Variants in GSE1 observed in about 807,000 individuals in gnomAD.
GSE1 encodes the protein Gse1 coiled-coil protein, also known as genetic suppressor element 1.
Under a neutral mutation model 112.6 loss-of-function variants are expected in GSE1, and 32 were observed. That is an observed-to-expected ratio of 0.28 (90% CI 0.21 to 0.38). The LOEUF (loss-of-function observed/expected upper bound fraction) is 0.38. Among genes scored for constraint, GSE1 ranks in the 10% least tolerant of loss-of-function variants. The pLI, the probability that GSE1 is intolerant of heterozygous loss-of-function variation, is 1.00. For synonymous variants in GSE1, 1,115 were observed against 735.6 expected, an observed-to-expected ratio of 1.52 and a Z score of -8.35; for missense variants, 2,348 against 1,699.2, an observed-to-expected ratio of 1.38 and a Z score of -6.71.
At chr16:85,340,109 G>A (rs973682528) in intron 1 of GSE1, among the ~76,000 whole-genome samples, 6 of 152,162 alleles carry the variant, frequency 3.9e-5, no homozygotes, top group African/African-American at 9.7e-5. Context: ...GGTACAAATC[G>A]TTTAAGAATC....
intron 2 of GSE1, among the ~76,000 whole-genome samples, chr16:85,414,494 A>G (rs1597681327): frequency 6.6e-6 from 1 of 152,362 alleles, no homozygotes; most frequent in Admixed American, 6.5e-5. Context: ...CCTGACCCAC[A>G]GAATGACATC....
chr16:85,626,772 G>A (rs968328510), intron 1 of GSE1, among the ~76,000 whole-genome samples: 1 of 152,132 alleles, frequency 6.6e-6, no homozygotes. Context: ...TACGGGATCC[G>A]CGGGAGGCCG....
chr16:85,528,874 G>A (rs1480601026), intron 2 of GSE1, among the ~76,000 whole-genome samples: 4 of 152,214 alleles, frequency 2.6e-5, no homozygotes, highest in Non-Finnish European at 4.4e-5. Context: ...AAAGGGAAGA[G>A]CTGGTGCAGA....
At chr16:85,569,704 G>A (rs28424195) in intron 1 of GSE1, among the ~76,000 whole-genome samples, 290 of 152,280 alleles carry the variant, frequency 1.9e-3, no homozygotes, top group African/African-American at 5.8e-3. Flanking sequence ...GATGACTGCC[G>A]TCTCGTGTTA....
intron 1 of GSE1, among the ~76,000 whole-genome samples, chr16:85,175,475 C>T (rs976889217): frequency 3.3e-5 from 5 of 152,258 alleles, no homozygotes; most frequent in Non-Finnish European, 5.9e-5. Context: ...GGGTAAGACT[C>T]TTGCCCTGTC....
At chr16:85,279,502 G>GT (rs1597270622) in intron 1 of GSE1, among the ~76,000 whole-genome samples, 1 of 48,490 alleles carries the variant, frequency 2.1e-5, no homozygotes, top group South Asian at 9.0e-4. Context: ...AGCCACTCAA[G>GT]GGGGGATCAC....
intron 1 of GSE1, among the ~76,000 whole-genome samples, chr16:85,571,294 T>G (rs2045970110): frequency 6.6e-6 from 1 of 152,188 alleles, no homozygotes; most frequent in Non-Finnish European, 1.5e-5. Flanking sequence ...CCGCCTAATG[T>G]GGTGGCCACT....
intron 1 of GSE1, among the ~76,000 whole-genome samples, chr16:85,318,417 C>G (rs769538709): frequency 6.6e-6 from 1 of 152,160 alleles, no homozygotes; most frequent in Non-Finnish European, 1.5e-5. Flanking sequence ...GCATGCACCA[C>G]TATGCCTGGC....
chr16:85,593,061 C>G (rs192457686), intron 1 of GSE1: 2 of 152,290 alleles, frequency 1.3e-5, no homozygotes, highest in Non-Finnish European at 2.9e-5. Context: ...AAGGAATCAT[C>G]CTCTCTAGTC....
At chr16:85,188,098 A>T (rs1289228158) in intron 1 of GSE1, among the ~76,000 whole-genome samples, 1 of 152,108 alleles carries the variant, frequency 6.6e-6, no homozygotes, top group African/African-American at 2.4e-5. Flanking sequence ...AAGGGGAGGC[A>T]GGTGTGGGAT....
intron 2 of GSE1, among the ~76,000 whole-genome samples, chr16:85,517,152 A>G (rs1370672611): frequency 6.6e-6 from 1 of 152,054 alleles, no homozygotes; most frequent in African/African-American, 2.4e-5. Flanking sequence ...CGTTGTGGGC[A>G]GGCTGTGTCC....
chr16:85,186,040 G>C (rs1403922093), intron 1 of GSE1, among the ~76,000 whole-genome samples: 2 of 152,196 alleles, frequency 1.3e-5, no homozygotes, highest in Admixed American at 6.5e-5. Context: ...ACCACGATGG[G>C]CCGGGCAGCG....
At chr16:85,415,208 T>C (rs1021315230) in intron 2 of GSE1, among the ~76,000 whole-genome samples, 4 of 152,182 alleles carry the variant, frequency 2.6e-5, no homozygotes, top group African/African-American at 7.2e-5. Flanking sequence ...TCAGAGTACT[T>C]GGATTACAGG....
chr16:85,435,208 A>G (rs1331767315), intron 2 of GSE1, among the ~76,000 whole-genome samples: 1 of 152,214 alleles, frequency 6.6e-6, no homozygotes, highest in Non-Finnish European at 1.5e-5. Flanking sequence ...TCGGCCCTGC[A>G]CACGCCAGGA....
At chr16:85,636,093 C>G (rs1788905093) in intron 2 of GSE1, among the ~76,000 whole-genome samples, 1 of 152,268 alleles carries the variant, frequency 6.6e-6, no homozygotes, top group South Asian at 2.1e-4. Context: ...GGCGGGAGGC[C>G]AGACACCATG....
intron 1 of GSE1, among the ~76,000 whole-genome samples, chr16:85,627,114 G>C (rs1439317739): frequency 9.9e-6 from 1 of 100,808 alleles, no homozygotes; most frequent in Non-Finnish European, 1.8e-5. Context: ...TAGAAACCTA[G>C]CCAGAGAATA....
At chr16:85,635,353 C>A (rs570566829) in intron 2 of GSE1, among the ~76,000 whole-genome samples, 1 of 152,172 alleles carries the variant, frequency 6.6e-6, no homozygotes, top group African/African-American at 2.4e-5. Flanking sequence ...GGCAGGACCG[C>A]CAGAAAACCC....
At chr16:85,550,848 T>C (rs994184349) in intron 2 of GSE1, among the ~76,000 whole-genome samples, 75 of 152,234 alleles carry the variant, frequency 4.9e-4, no homozygotes, top group Non-Finnish European at 1.3e-4. Flanking sequence ...CATCTTCAGA[T>C]TGGGGATCCG....
intron 1 of GSE1, among the ~76,000 whole-genome samples, chr16:85,604,913 G>A (rs1239344177): frequency 1.7e-5 from 2 of 115,954 alleles, no homozygotes; most frequent in Non-Finnish European, 3.4e-5. Flanking sequence ...CGCCTCCCGG[G>A]TTCACGCCAT....
Sources: gnomAD v4.1 joint callset for allele counts (sites outside exome capture counted in the v4.1 genomes callset) on GRCh38, gnomAD v4.1.1 for gene constraint, MANE v1.5 for transcripts, NCBI Gene and HGNC (gene_info 2026-07-23, HGNC 2026-07-21) for gene names.